Variants in NTM observed in about 807,000 individuals in gnomAD.
The protein encoded by NTM is neurotrimin, also known as IgLON family member 2.
In NTM, 13 loss-of-function variants were observed where a neutral mutation model predicts 42.1. That is an observed-to-expected ratio of 0.31 (90% CI 0.20 to 0.49). The LOEUF is 0.49. Ranked by LOEUF, NTM falls within the 20% of genes least tolerant of loss-of-function variation. NTM has a pLI of 0.99. For missense variants in NTM, 373 were observed against 452.8 expected (o/e 0.82, Z 1.60); for synonymous variants, 187 against 179.2 (o/e 1.04, Z -0.35).
chr11:131,636,837 C>A (rs1035178935), intron 1 of NTM, among the ~76,000 whole-genome samples: 3 of 152,184 alleles, frequency 2.0e-5, no homozygotes, highest in African/African-American at 7.2e-5. Flanking sequence ...ATGGCGAACA[C>A]CATGGGCACT....
At chr11:131,719,683 G>A (rs1466978363) in intron 1 of NTM, among the ~76,000 whole-genome samples, 2 of 152,168 alleles carry the variant, frequency 1.3e-5, no homozygotes, top group African/African-American at 2.4e-5. Context: ...AAGTGTGGAG[G>A]CATTTATGAA....
chr11:131,825,963 G>A (rs1296390056), intron 1 of NTM, among the ~76,000 whole-genome samples: 1 of 152,120 alleles, frequency 6.6e-6, no homozygotes, highest in East Asian at 1.9e-4. Context: ...TATAAATTTG[G>A]AGATTATTGT....
rs79318972 is a variant in NTM at position 132,333,344 on chromosome 11, T to C, written c.968-1702T>C. 3.2e-3 allele frequency among the ~76,000 whole-genome samples: 491 copies of C among 152,170 alleles called. 1 individual carries two copies. Among genetic ancestry groups the C allele is most frequent in the Non-Finnish European group, 4.4e-3 (297 of 67,992 alleles). ...AGGACTTACGCAGAGCAGAGAAACATAGTCTCTCACCCTTGAAGGCATCCG... is the reference window on the plus strand; with the variant it reads ...AGGACTTACGCAGAGCAGAGAAACACAGTCTCTCACCCTTGAAGGCATCCG... On this transcript the variant is annotated intron_variant, in intron 8 of 8. Transcript: ENST00000683400.
At chr11:131,749,763 T>G (rs530330721) in intron 1 of NTM, among the ~76,000 whole-genome samples, 1 of 152,170 alleles carries the variant, frequency 6.6e-6, no homozygotes, top group Non-Finnish European at 1.5e-5. Context: ...CATGCTCAGA[T>G]AATTTTTTCT....
intron 1 of NTM, among the ~76,000 whole-genome samples, chr11:131,744,006 T>C (rs934299516): frequency 6.6e-6 from 1 of 152,222 alleles, no homozygotes; most frequent in African/African-American, 2.4e-5. Flanking sequence ...AATGACCATT[T>C]ATGCTAGAAA....
intron 1 of NTM, among the ~76,000 whole-genome samples, chr11:131,415,100 G>A (rs756873839): frequency 9.1e-4 from 139 of 152,274 alleles, no homozygotes; most frequent in Non-Finnish European, 1.6e-3. Context: ...CAGGCCATCT[G>A]GAGAGATAAT....
chr11:132,203,330 A>G (rs1395438534), intron 3 of NTM, among the ~76,000 whole-genome samples: 1 of 152,178 alleles, frequency 6.6e-6, no homozygotes, highest in Non-Finnish European at 1.5e-5. Flanking sequence ...TGCTTTATGT[A>G]TAAAAAGTGA....
intron 1 of NTM, among the ~76,000 whole-genome samples, chr11:131,417,270 C>T (rs565388639): frequency 6.6e-6 from 1 of 152,256 alleles, no homozygotes; most frequent in East Asian, 1.9e-4. Flanking sequence ...AAAACCTACC[C>T]AAACTGTGGG....
intron 1 of NTM, among the ~76,000 whole-genome samples, chr11:131,622,124 C>T (rs546246730): frequency 6.6e-6 from 1 of 152,156 alleles, no homozygotes; most frequent in East Asian, 1.9e-4. Flanking sequence ...TGGGGGGGAC[C>T]ATCCACAGGA....
chr11:131,560,825 G>A (rs569804184), intron 1 of NTM, among the ~76,000 whole-genome samples: 1 of 152,236 alleles, frequency 6.6e-6, no homozygotes, highest in Non-Finnish European at 1.5e-5. Flanking sequence ...AGAGCTTTCT[G>A]TAAACTACTC....
rs540132254 is a variant in NTM at position 132,318,691 on chromosome 11, T to C, written c.934+3988T>C. Among the ~76,000 whole-genome samples, 4 of 152,298 alleles carry C rather than the reference T, an allele frequency of 2.6e-5. No homozygotes were observed. The East Asian group carries it at 7.7e-4, about 29-fold the overall frequency. ...CTGAGGACAGTGCTGACCACAGCAG[T>C]AGCCTTTCAGGAAGGCAGCTGTGAA... is the stretch of plus-strand genomic sequence containing the variant. On this transcript the variant is annotated intron_variant, in intron 7 of 8. Transcript: ENST00000683400.
intron 6 of NTM, among the ~76,000 whole-genome samples, chr11:132,312,151 C>G (rs911781628): frequency 3.9e-5 from 6 of 152,180 alleles, no homozygotes; most frequent in African/African-American, 1.4e-4. Context: ...CTCTGAGGTC[C>G]TGGTCACAGC....
intron 1 of NTM, among the ~76,000 whole-genome samples, chr11:131,376,328 GCTGT>G (rs1029430537): frequency 6.6e-6 from 1 of 152,106 alleles, no homozygotes; most frequent in African/African-American, 2.4e-5. Flanking sequence ...GCTTCTATAA[GCTGT>G]CTGTTTCGGT....
chr11:131,550,623 G>A (rs1426009165), intron 1 of NTM, among the ~76,000 whole-genome samples: 3 of 152,108 alleles, frequency 2.0e-5, no homozygotes, highest in African/African-American at 4.8e-5. Flanking sequence ...TTCCTGTACA[G>A]CCTGTGGAAC....
chr11:132,212,627 C>A (rs2083054277), intron 4 of NTM, among the ~76,000 whole-genome samples: 1 of 152,250 alleles, frequency 6.6e-6, no homozygotes, highest in Non-Finnish European at 1.5e-5. Flanking sequence ...TTGTTTTACT[C>A]CGATTGATCC....
At chr11:131,504,678 G>A (rs1363130822) in intron 1 of NTM, among the ~76,000 whole-genome samples, 1 of 151,988 alleles carries the variant, frequency 6.6e-6, no homozygotes, top group Non-Finnish European at 1.5e-5. Flanking sequence ...ACTCTTCCTG[G>A]CCTGCGTGCT....
chr11:131,642,777 AT>A (rs1297317831), intron 1 of NTM, among the ~76,000 whole-genome samples: 2 of 152,082 alleles, frequency 1.3e-5, no homozygotes, highest in East Asian at 3.9e-4. Flanking sequence ...TTCACCCACT[AT>A]TTTTTTCATT....
At chr11:131,498,963 G>A (rs1377238145) in intron 1 of NTM, among the ~76,000 whole-genome samples, 1 of 152,182 alleles carries the variant, frequency 6.6e-6, no homozygotes, top group Admixed American at 6.5e-5. Context: ...GCAGGAGGCT[G>A]GTGCTGGCAC....
At chr11:131,711,039 CTA>C (rs1184824642) in intron 1 of NTM, among the ~76,000 whole-genome samples, 1 of 152,116 alleles carries the variant, frequency 6.6e-6, no homozygotes, top group Non-Finnish European at 1.5e-5. Flanking sequence ...AGAAGAAAAC[CTA>C]GGCATTACCA....
Sources: allele counts gnomAD v4.1 joint callset (sites outside exome capture counted in the v4.1 genomes callset), GRCh38; gene constraint gnomAD v4.1.1; transcripts MANE v1.5; gene names NCBI Gene and HGNC (gene_info 2026-07-23, HGNC 2026-07-21).